CDH13: variants seen among roughly 807,000 people sequenced by gnomAD.
CDH13 encodes cadherin-13.
A neutral mutation model predicts 63.8 loss-of-function variants in CDH13; 24 were observed. That is an observed-to-expected ratio of 0.38 (90% CI 0.27 to 0.53). CDH13 has a LOEUF of 0.53. Among genes scored for constraint, CDH13 ranks in the 20% least tolerant of loss-of-function variants. CDH13 has a pLI of 0.85. For synonymous variants in CDH13, 503 were observed against 355.3 expected (o/e 1.42, Z -4.67); for missense variants, 1,049 against 903.1 (o/e 1.16, Z -2.07).
chr16:83,546,593 A>G (rs9934005), intron 7 of CDH13, among the ~76,000 whole-genome samples: 111,094 of 151,994 alleles, frequency 0.73, 40,689 homozygotes, highest in Middle Eastern at 0.76. Flanking sequence ...AGGTCTGGGT[A>G]TAACCAACGT....
rs143499090 is a variant in CDH13 at position 83,289,576 on chromosome 16, A to G, written c.637-55286A>G. On this transcript the variant is annotated intron_variant, in intron 5 of 13. Coordinates refer to ENST00000567109, the MANE Select transcript of CDH13 (RefSeq NM_001257.5). Reference sequence around the variant, plus strand: ...TTGAGGCTGTTTTAATGGAGTAAACATACAGGATTCAGCATAATATAAATT... The same window carrying G: ...TTGAGGCTGTTTTAATGGAGTAAACGTACAGGATTCAGCATAATATAAATT... Among the ~76,000 whole-genome samples, 748 of 152,312 alleles carry G rather than the reference A, an allele frequency of 4.9e-3. 4 individuals carry two copies. The highest frequency in any genetic ancestry group is 5.1e-3 in the Non-Finnish European group (344 of 68,022).
intron 2 of CDH13, among the ~76,000 whole-genome samples, chr16:82,995,443 C>T (rs1912097637): frequency 6.6e-6 from 1 of 152,176 alleles, no homozygotes; most frequent in African/African-American, 2.4e-5. Flanking sequence ...TTCCCTTCTT[C>T]AGCTGAAACG....
intron 5 of CDH13, among the ~76,000 whole-genome samples, chr16:83,244,431 G>T (rs575258912): frequency 1.3e-5 from 2 of 152,244 alleles, no homozygotes; most frequent in African/African-American, 4.8e-5. Flanking sequence ...CACTGCTAAT[G>T]TCTATTATGT....
intron 10 of CDH13, among the ~76,000 whole-genome samples, chr16:83,685,595 G>A (rs1047708213): frequency 2.6e-5 from 4 of 152,132 alleles, no homozygotes; most frequent in Admixed American, 1.3e-4. Context: ...GGAGCTTATC[G>A]TCATAAGAGC....
chr16:83,599,070 A>G (rs1598350739), intron 7 of CDH13, among the ~76,000 whole-genome samples: 1 of 152,168 alleles, frequency 6.6e-6, no homozygotes, highest in Non-Finnish European at 1.5e-5. Flanking sequence ...CCTGAACTGT[A>G]CCTGTACTGA....
At chr16:82,980,147 T>G (rs539410368) in intron 2 of CDH13, among the ~76,000 whole-genome samples, 3 of 152,198 alleles carry the variant, frequency 2.0e-5, no homozygotes, top group African/African-American at 7.2e-5. Flanking sequence ...CTCTCTGAAG[T>G]GGAGACAGTG....
At chr16:82,801,109 G>A (rs1279306915) in intron 1 of CDH13, among the ~76,000 whole-genome samples, 1 of 152,082 alleles carries the variant, frequency 6.6e-6, no homozygotes, top group Non-Finnish European at 1.5e-5. Flanking sequence ...AAAATGTTGG[G>A]TTTGTTCTTA....
chr16:83,048,277 G>C (rs538302977), intron 3 of CDH13, among the ~76,000 whole-genome samples: 1 of 152,130 alleles, frequency 6.6e-6, no homozygotes, highest in East Asian at 1.9e-4. Context: ...GCATGTATAA[G>C]GATTGACTGA....
chr16:82,906,027 T>A (rs562120935), intron 2 of CDH13, among the ~76,000 whole-genome samples: 10 of 152,336 alleles, frequency 6.6e-5, no homozygotes, highest in Admixed American at 5.9e-4. Flanking sequence ...TATGAATATA[T>A]ACATGCATAT....
intron 3 of CDH13, among the ~76,000 whole-genome samples, chr16:83,071,299 C>T (rs2032420608): frequency 6.6e-6 from 1 of 152,140 alleles, no homozygotes; most frequent in Non-Finnish European, 1.5e-5. Flanking sequence ...CCTCACATAA[C>T]CCTGCAAGGT....
At chr16:83,165,536 G>C (rs114977192) in intron 4 of CDH13, among the ~76,000 whole-genome samples, 1,625 of 152,212 alleles carry the variant, frequency 0.011, 28 homozygotes, top group Middle Eastern at 0.037. Flanking sequence ...GCTGAGGAAG[G>C]TGGTTGGTTG....
intron 6 of CDH13, among the ~76,000 whole-genome samples, chr16:83,374,029 G>T (rs180947581): frequency 4.6e-5 from 7 of 152,338 alleles, no homozygotes; most frequent in Admixed American, 3.3e-4. Flanking sequence ...AGCCTCTAAG[G>T]ACAGAGGGGA....
chr16:83,710,524 C>T lies in CDH13; in HGVS notation c.1538+32063C>T, dbSNP rs535389497. 2.0e-5 allele frequency: 3 copies of T among 148,422 alleles called. No homozygotes were observed. The East Asian group carries it at 6.0e-4, about 30-fold the overall frequency. 9.2% of individuals were successfully genotyped at this position (148,422 alleles called of 1,614,324 possible). On this transcript the variant is annotated intron_variant, in intron 10 of 13. Coordinates refer to ENST00000567109, the MANE Select transcript of CDH13 (RefSeq NM_001257.5). ...TTTTTAAGAGGGATGTTGGCAAATT[C>T]AGGTGTGTTCAAGGGAGGCAACCTG...
At chr16:83,173,294 G>A (rs1567475549) in intron 4 of CDH13, among the ~76,000 whole-genome samples, 3 of 152,198 alleles carry the variant, frequency 2.0e-5, no homozygotes, top group Non-Finnish European at 2.9e-5. Context: ...TTATTGCTGG[G>A]TTCTATGTTC....
At chr16:83,594,439 C>G (rs919298805) in intron 7 of CDH13, among the ~76,000 whole-genome samples, 1 of 146,654 alleles carries the variant, frequency 6.8e-6, no homozygotes, top group African/African-American at 2.5e-5. Flanking sequence ...TATTGATTGA[C>G]TCCTTCTTAA....
At chr16:83,098,803 T>A (rs1329964508) in intron 3 of CDH13, among the ~76,000 whole-genome samples, 2 of 152,198 alleles carry the variant, frequency 1.3e-5, no homozygotes, top group African/African-American at 4.8e-5. Flanking sequence ...ATTAGTGGTT[T>A]TGAGCAATTT....
At chr16:83,228,865 C>G (rs549384112) in intron 5 of CDH13, among the ~76,000 whole-genome samples, 2 of 152,214 alleles carry the variant, frequency 1.3e-5, no homozygotes, top group Non-Finnish European at 2.9e-5. Flanking sequence ...GGGACTGATC[C>G]GGTTGACATG....
rs758502478 is a variant in CDH13, at chr16:83,486,601, T to C, written c.906T>C (p.Asp302=). The C allele has an allele frequency of 6.2e-7, 1 of 1,613,916 alleles. No homozygotes were observed. The highest frequency in any genetic ancestry group is 8.5e-7 in the Non-Finnish European group (1 of 1,179,832). Residue 302 remains aspartate (D), a synonymous_variant, in exon 7 of 14, where the codon GAT becomes GAC. Coordinates refer to ENST00000567109, the MANE Select transcript of CDH13 (RefSeq NM_001257.5). ...DKPSPNMFYI[D]PEKGDIVTVV... is the part of the protein sequence containing the mutation. ...CATCTCCCAACATGTTCTACATCGA[T>C]CCTGAGAAAGGAGACATTGTCACTG...
chr16:82,796,797 A>G (rs2036601724), intron 1 of CDH13, among the ~76,000 whole-genome samples: 1 of 152,212 alleles, frequency 6.6e-6, no homozygotes, highest in African/African-American at 2.4e-5. Flanking sequence ...GGAAGGCTTT[A>G]AGACAGGGGA....
Sources: allele counts gnomAD v4.1 joint callset (sites outside exome capture counted in the v4.1 genomes callset), GRCh38; gene constraint gnomAD v4.1.1; transcripts MANE v1.5; gene names NCBI Gene and HGNC (gene_info 2026-07-23, HGNC 2026-07-21).